The following GBP7 variants were observed in gnomAD, a reference collection of about 807,000 sequenced individuals.
The protein encoded by GBP7 is guanylate-binding protein 7.
GBP7 carries 43 observed loss-of-function variants against 61.3 expected under a neutral mutation model. The observed-to-expected ratio is 0.70, with a 90% CI of 0.55 to 0.91. The LOEUF (loss-of-function observed/expected upper bound fraction) is 0.91, where lower values mean the gene tolerates loss of function less well. Ranked by LOEUF, GBP7 falls within the 40% of genes least tolerant of loss-of-function variation. The pLI is 0.00. For missense variants in GBP7, 717 were observed against 740.5 expected, an observed-to-expected ratio of 0.97 and a Z score of 0.37; for synonymous variants, 267 against 271.0, an observed-to-expected ratio of 0.99 and a Z score of 0.14.
intron 8 of GBP7, among the ~76,000 whole-genome samples, chr1:89,142,246 T>C (rs1441024236): frequency 1.3e-5 from 2 of 152,034 alleles, no homozygotes; most frequent in African/African-American, 4.8e-5. Context: ...TAATGGAAAA[T>C]TGAACAGTTG....
intron 8 of GBP7, among the ~76,000 whole-genome samples, chr1:89,144,706 G>T (rs1409144203): frequency 6.6e-6 from 1 of 152,104 alleles, no homozygotes; most frequent in African/African-American, 2.4e-5. Context: ...TAATATATCT[G>T]CACCTCATGC....
At position 89,171,681 on chromosome 1, in the gene GBP7, A is replaced by G. The variant is rs950830771; in HGVS notation, c.190+65T>C. ...ACTAACTTTCTCTCATCCCATCTTC[A>G]TACTAGATACTGACTGTGTAACTGG... On this transcript the variant is annotated intron_variant, in intron 2 of 10. Coordinates refer to ENST00000294671, the MANE Select transcript of GBP7 (RefSeq NM_207398.3). The G allele has an allele frequency of 4.2e-6, 6 of 1,415,014 alleles. No homozygotes were observed. The African/African-American group carries it at 5.7e-5, about 14-fold the overall frequency. 87.7% of individuals were successfully genotyped at this position (1,415,014 alleles called of 1,614,324 possible). A position where few individuals can be genotyped will look rare whatever the true frequency, so the allele number is the denominator to read the frequency against.
intron 3 of GBP7, among the ~76,000 whole-genome samples, chr1:89,157,527 A>T (rs570441322): frequency 1.6e-4 from 25 of 152,332 alleles, no homozygotes; most frequent in Admixed American, 1.0e-3. Flanking sequence ...AGGGCATATC[A>T]CCGCCGATCC....
intron 3 of GBP7, among the ~76,000 whole-genome samples, chr1:89,154,785 A>G (rs1682275491): frequency 7.1e-6 from 1 of 140,948 alleles, no homozygotes; most frequent in Non-Finnish European, 1.5e-5. Flanking sequence ...ATGAAATACC[A>G]TGAAAGTTAA....
Position 89,150,321 on chromosome 1 carries a change from T to C in GBP7, c.871+9A>G, listed in dbSNP as rs1682163053. Reference sequence around the variant, plus strand: ...CTCAGTAAACACCCATATAGGGAAATAGACTCACGGTTTCCAGTGACAAGG... The same window carrying C: ...CTCAGTAAACACCCATATAGGGAAACAGACTCACGGTTTCCAGTGACAAGG... On this transcript the variant is annotated intron_variant, in intron 6 of 10. Coordinates refer to ENST00000294671, the MANE Select transcript of GBP7 (RefSeq NM_207398.3). 6.2e-7 allele frequency: 1 copy of C among 1,611,560 alleles called. No homozygotes were observed. The highest frequency in any genetic ancestry group is 1.7e-5 in the Admixed American group (1 of 59,952).
At chr1:89,162,650 G>T (rs1647309510) in intron 3 of GBP7, among the ~76,000 whole-genome samples, 1 of 152,224 alleles carries the variant, frequency 6.6e-6, no homozygotes, top group African/African-American at 2.4e-5. Context: ...ATCAGCTTAA[G>T]AAGCTTTTGG....
Position 89,147,639 on chromosome 1 carries a change from C to T in GBP7, c.1293G>A (p.Gly431=), listed in dbSNP as rs185821757. The change falls in exon 8 of 11, where the codon GGG becomes GGA. Residue 431 remains glycine (G), a synonymous_variant. Transcript: ENST00000294671. ...TTTTTGCTTCTAAGTAGATATTGTG[C>T]CCCCCCGGAACAAAGAAAGTTCCTC... ...ISRGTFFVPG[G]HNIYLEAKKK... is the part of the protein sequence containing the mutation. The T allele has an allele frequency of 1.6e-5, 26 of 1,613,390 alleles. No homozygotes were observed. The highest frequency in any genetic ancestry group is 1.7e-4 in the Middle Eastern group (1 of 6,060).
rs775142914 is a variant in GBP7, at chr1:89,152,757, C to T, written c.339G>A (p.Ser113=). Residue 113 remains serine, a synonymous_variant, in exon 4 of 11, where the codon TCG becomes TCA. Transcript: ENST00000294671. Reference sequence around the variant, plus strand: ...GAAGCACAGCCAGGGCAAAGATCCACGAGTCACTCTTAGGGTCACTCTAGT... The same window carrying T: ...GAAGCACAGCCAGGGCAAAGATCCATGAGTCACTCTTAGGGTCACTCTAGT... ...DMEKSDPKSD[S]WIFALAVLLS... 61 of 1,606,516 alleles carry T rather than the reference C, an allele frequency of 3.8e-5. No homozygotes were observed. The highest frequency in any genetic ancestry group is 4.4e-5 in the Non-Finnish European group (52 of 1,177,712).
At chr1:89,141,423 G>T in intron 9 of GBP7, 123 bp downstream of exon 9, 1 of 682,174 alleles carries the variant, frequency 1.5e-6, no homozygotes. Flanking sequence ...TTCAGTTTTA[G>T]CAGAGCATGT....
chr1:89,152,004 A>G (rs1570351997), intron 5 of GBP7, among the ~76,000 whole-genome samples: 1 of 152,232 alleles, frequency 6.6e-6, no homozygotes, highest in African/African-American at 2.4e-5. Context: ...AATCCTCAAT[A>G]TATTTTTCAT....
intron 9 of GBP7, among the ~76,000 whole-genome samples, chr1:89,137,997 A>G (rs1056616057): frequency 6.6e-6 from 1 of 152,134 alleles, no homozygotes; most frequent in Non-Finnish European, 1.5e-5. Flanking sequence ...ATTTCTACAC[A>G]CCAATAATGT....
At chr1:89,143,707 T>TGA (rs899991014) in intron 8 of GBP7, among the ~76,000 whole-genome samples, 1 of 150,540 alleles carries the variant, frequency 6.6e-6, no homozygotes, top group African/African-American at 2.5e-5. Context: ...CAAGAGAGAG[T>TGA]GAGAGAGAGT....
chr1:89,148,649 G>A (rs1324261313), intron 7 of GBP7, among the ~76,000 whole-genome samples: 4 of 152,174 alleles, frequency 2.6e-5, no homozygotes. Flanking sequence ...TTGCTGACTT[G>A]AAGATGGAGA....
chr1:89,146,041 A>G (rs1682054987), intron 8 of GBP7, among the ~76,000 whole-genome samples: 1 of 152,232 alleles, frequency 6.6e-6, no homozygotes, highest in African/African-American at 2.4e-5. Flanking sequence ...CAAAGGCATC[A>G]TACTATCTGA....
In GBP7 at chr1:89,152,736, C is replaced by T; in HGVS notation, c.360G>A (p.Val120=). 1.2e-6 allele frequency: 2 copies of T among 1,611,698 alleles called. No homozygotes were observed. Among genetic ancestry groups the T allele is most frequent in the Middle Eastern group, 3.5e-4 (2 of 5,688 alleles). ...TGTAGACAAAGCTGCTGCTTAGAAG[C>T]ACAGCCAGGGCAAAGATCCACGAGT... ...KSDSWIFALA[V]LLSSSFVYNS... The change falls in exon 4 of 11, where the codon GTG becomes GTA. Residue 120 remains valine, a synonymous_variant. Coordinates refer to ENST00000294671, the MANE Select transcript of GBP7 (RefSeq NM_207398.3).
chr1:89,165,613 T>C (rs568894371), intron 2 of GBP7, among the ~76,000 whole-genome samples: 37 of 152,134 alleles, frequency 2.4e-4, no homozygotes, highest in Admixed American at 9.8e-4. Flanking sequence ...TTCATGTCCT[T>C]TGCAGGGACA....
chr1:89,161,617 T>G (rs1303387975), intron 3 of GBP7, among the ~76,000 whole-genome samples: 1 of 152,150 alleles, frequency 6.6e-6, no homozygotes, highest in African/African-American at 2.4e-5. Flanking sequence ...CACTTTTTAA[T>G]GTATTTTTTT....
At position 89,141,643 on chromosome 1, in the gene GBP7, G is replaced by C. The variant is rs749212809; in HGVS notation, c.1371C>G (p.Asp457Glu). The stretch of plus-strand genomic sequence containing the variant: ...ACTGCAGGAAGCTCTGGAGGACCTC[G>C]TCTGCCTGAAGAACCAAGAAGGAGC... ...TLVPRKGVKA[D>E]EVLQSFLQSQ... The change falls in exon 9 of 11, where the codon GAC becomes GAG. Residue 457 changes from aspartate (D) to glutamate (E), a missense_variant. Around this residue, in one of 3 missense-constraint regions of GBP7, gnomAD observed 312 missense variants for 310.1 expected, o/e 1.01. Coordinates refer to ENST00000294671, the MANE Select transcript of GBP7 (RefSeq NM_207398.3). 6.2e-7 allele frequency: 1 copy of C among 1,613,376 alleles called. No homozygotes were observed. The highest frequency in any genetic ancestry group is 8.5e-7 in the Non-Finnish European group (1 of 1,179,492).
Position 89,141,209 on chromosome 1 carries a change from G to GA in GBP7, c.1468+336dup, listed in dbSNP as rs1270265641. Among the ~76,000 whole-genome samples the GA allele has an allele frequency of 8.0e-4, 118 of 146,866 alleles. 7 individuals are homozygous for GA. Among genetic ancestry groups the GA allele is most frequent in the Admixed American group, 1.8e-3 (27 of 14,828 alleles). ...CTGGACCTAAAATAAAAGTTGGAAAGAAAAAAAAAAAAAGAAAGTAACAGT... is the reference window on the plus strand; with the variant it reads ...CTGGACCTAAAATAAAAGTTGGAAAGAAAAAAAAAAAAAAGAAAGTAACAGT... On this transcript the variant is annotated intron_variant, in intron 9 of 10. Coordinates refer to ENST00000294671, the MANE Select transcript of GBP7 (RefSeq NM_207398.3).
Sources: gnomAD v4.1 joint callset for allele counts (sites outside exome capture counted in the v4.1 genomes callset) on GRCh38, gnomAD v4.1.1 for gene constraint, gnomAD v4.1.1 regional missense constraint, MANE v1.5 for transcripts, NCBI Gene and HGNC (gene_info 2026-07-23, HGNC 2026-07-21) for gene names.